DLG2: variants seen among roughly 807,000 people sequenced by gnomAD.
The protein encoded by DLG2 is disks large homolog 2.
Under a neutral mutation model 132.5 loss-of-function variants are expected in DLG2, and 45 were observed. The observed-to-expected ratio is 0.34, with a 90% CI of 0.27 to 0.44. The LOEUF (loss-of-function observed/expected upper bound fraction) is 0.44. DLG2 is among the 20% of genes least tolerant of loss of function. DLG2 has a pLI of 1.00. For synonymous variants in DLG2, 424 were observed against 419.6 expected (o/e 1.01, Z -0.13); for missense variants, 1,045 against 1,196.9 (o/e 0.87, Z 1.87).
chr11:83,850,460 GT>G (rs1449827138), intron 16 of DLG2, among the ~76,000 whole-genome samples: 1 of 152,056 alleles, frequency 6.6e-6, no homozygotes, highest in African/African-American at 2.4e-5. Flanking sequence ...CCCGGGGTAA[GT>G]TTTCTAATAG....
At chr11:83,702,280 T>G (rs1255033433) in intron 18 of DLG2, among the ~76,000 whole-genome samples, 1 of 152,244 alleles carries the variant, frequency 6.6e-6, no homozygotes, top group African/African-American at 2.4e-5. Context: ...GACCAGGATA[T>G]AGACACCTAC....
intron 10 of DLG2, among the ~76,000 whole-genome samples, chr11:84,076,996 A>G (rs1021633494): frequency 6.6e-6 from 1 of 152,148 alleles, no homozygotes. Context: ...AAGTCCATCA[A>G]TTCATGTCTT....
intron 7 of DLG2, among the ~76,000 whole-genome samples, chr11:84,513,246 T>A (rs149535520): frequency 6.6e-6 from 1 of 152,126 alleles, no homozygotes; most frequent in South Asian, 2.1e-4. Context: ...ATTGTTAAAA[T>A]GTCCATACTA....
chr11:84,940,187 G>C (rs971318552), intron 6 of DLG2, among the ~76,000 whole-genome samples: 1 of 152,126 alleles, frequency 6.6e-6, no homozygotes, highest in African/African-American at 2.4e-5. Flanking sequence ...CTCTTGCTCT[G>C]TCTCCCAGGC....
chr11:85,508,711 T>C (rs1407908929), intron 3 of DLG2, among the ~76,000 whole-genome samples: 17 of 152,012 alleles, frequency 1.1e-4, no homozygotes, highest in Non-Finnish European at 8.8e-5. Context: ...GTGTTAACAG[T>C]AGAGGGTAAA....
chr11:85,459,022 G>C (rs1235942033), intron 3 of DLG2, among the ~76,000 whole-genome samples: 2 of 152,202 alleles, frequency 1.3e-5, no homozygotes, highest in African/African-American at 4.8e-5. Context: ...TGTGCTTTGG[G>C]CTCAAGCTAG....
rs2099211557 is a variant in DLG2 at position 84,502,206 on chromosome 11, CCTTCCTTCCTTCCTTCCTTCCTTCCT to C, written c.519+32338_519+32363del. Among the ~76,000 whole-genome samples, 153 of 21,286 alleles carry C rather than the reference CCTTCCTTCCTTCCTTCCTTCCTTCCT, an allele frequency of 7.2e-3. 37 individuals are homozygous for C. Among genetic ancestry groups the C allele is most frequent in the South Asian group, 0.025 (10 of 406 alleles). The allele number at this position is 21,286 out of a possible 152,430, so 14.0% of individuals were successfully genotyped here. ...TCTCTTTCTCTCTCTCTCTCTCCTT[CCTTCCTTCCTTCCTTCCTTCCTTCCT>C]TCCTTCCTTCCTTCCTTCCTTCCTT... On this transcript the variant is annotated intron_variant, in intron 7 of 27. Transcript: ENST00000376104.
chr11:83,562,327 G>C (rs959804927), intron 19 of DLG2, among the ~76,000 whole-genome samples: 2 of 152,002 alleles, frequency 1.3e-5, no homozygotes, highest in Admixed American at 1.3e-4. Context: ...ATGACACTAA[G>C]GGAGCATCTG....
At position 83,466,223 on chromosome 11, in the gene DLG2, A is replaced by G. The variant is rs558894089; in HGVS notation, c.2729+485T>C. ...AACCAAGGAAAATGCCAATGAAAAA[A>G]GTCTCAAACGTTGTCTGCTCTCTCT... is the stretch of plus-strand genomic sequence containing the variant. On this transcript the variant is annotated intron_variant, in intron 26 of 27. Coordinates refer to ENST00000376104, the MANE Select transcript of DLG2 (RefSeq NM_001142699.3). Among the ~76,000 whole-genome samples, 6 of 152,336 alleles carry G rather than the reference A, an allele frequency of 3.9e-5. No homozygotes were observed. In the East Asian group the frequency reaches 1.2e-3, roughly 29 times the overall value.
At chr11:83,926,694 C>T (rs1044346055) in intron 15 of DLG2, among the ~76,000 whole-genome samples, 1 of 151,950 alleles carries the variant, frequency 6.6e-6, no homozygotes, top group African/African-American at 2.4e-5. Context: ...AGATTGGGTT[C>T]CACAACATTA....
intron 6 of DLG2, among the ~76,000 whole-genome samples, chr11:84,755,511 C>G (rs1258624391): frequency 6.6e-6 from 1 of 152,236 alleles, no homozygotes; most frequent in Non-Finnish European, 1.5e-5. Context: ...GCAAGCTCCG[C>G]TTCCCGGGTT....
intron 22 of DLG2, among the ~76,000 whole-genome samples, chr11:83,481,431 G>GT (rs1342153427): frequency 2.1e-4 from 32 of 152,060 alleles, no homozygotes; most frequent in African/African-American, 6.0e-4. Context: ...AATAACATCA[G>GT]TTTTTTAAAA....
At position 84,644,093 on chromosome 11, in the gene DLG2, T is replaced by A. The variant is rs187264473; in HGVS notation, c.358-109362A>T. 2.6e-5 allele frequency among the ~76,000 whole-genome samples: 4 copies of A among 152,302 alleles called. No homozygotes were observed. In the South Asian group the frequency reaches 8.3e-4, roughly 32 times the overall value. On this transcript the variant is annotated intron_variant, in intron 6 of 27. Transcript: ENST00000376104. ...AAATGTTTATTTTTTGCTTCCCCAA[T>A]ACGTGGCCGTCTATACATGAAGATG... is the stretch of plus-strand genomic sequence containing the variant.
rs368959516 is a variant in DLG2, at chr11:83,469,202, C to G, written c.2618G>C (p.Arg873Thr). The change falls in exon 25 of 28, where the codon AGA becomes ACA. Residue 873 changes from arginine to threonine, a missense_variant and splice_region_variant. Arg to Thr is a moderately conservative substitution (Grantham distance 71, BLOSUM62 -1). Coordinates refer to ENST00000376104, the MANE Select transcript of DLG2 (RefSeq NM_001142699.3). ...SVQSVRFVAE[R>T]GKHCILDVSG... ...GTGTAAGAAGATTGGTGAACATACT[C>G]TTTCTGCTACAAATCTCACAGACTG... is the stretch of plus-strand genomic sequence containing the variant. 6.2e-7 allele frequency: 1 copy of G among 1,602,488 alleles called. No homozygotes were observed. The highest frequency in any genetic ancestry group is 8.5e-7 in the Non-Finnish European group (1 of 1,174,734).
intron 6 of DLG2, among the ~76,000 whole-genome samples, chr11:84,942,542 CTTA>C (rs1474405318): frequency 3.3e-5 from 5 of 152,082 alleles, no homozygotes; most frequent in African/African-American, 1.2e-4. Flanking sequence ...CAAAGTTCCT[CTTA>C]TTATTGATTT....
At chr11:85,487,042 TAA>T (rs1225708413) in intron 3 of DLG2, among the ~76,000 whole-genome samples, 3 of 132,694 alleles carry the variant, frequency 2.3e-5, no homozygotes, top group Admixed American at 7.6e-5. Context: ...GTGTGCTGAT[TAA>T]AAAAAAAAAA....
chr11:83,967,292 T>C (rs1592014615), intron 12 of DLG2, among the ~76,000 whole-genome samples: 1 of 152,204 alleles, frequency 6.6e-6, no homozygotes, highest in Non-Finnish European at 1.5e-5. Context: ...CTATTTTTAA[T>C]TTATTTAGGA....
rs192285985 is a variant in DLG2, at chr11:85,060,504, T to C, written c.357+51157A>G. Among the ~76,000 whole-genome samples the C allele has an allele frequency of 1.7e-3, 249 of 150,514 alleles. 7 individuals are homozygous for C. Among genetic ancestry groups the C allele is most frequent in the Admixed American group, 0.015 (228 of 15,026 alleles). ...GTATATATATATACACGCATATGTA[T>C]ATGTGTGTGTGTGTATACATGTATT... On this transcript the variant is annotated intron_variant, in intron 6 of 27. Coordinates refer to ENST00000376104, the MANE Select transcript of DLG2 (RefSeq NM_001142699.3).
chr11:85,608,430 T>A (rs1264255095), intron 2 of DLG2, among the ~76,000 whole-genome samples: 1 of 152,142 alleles, frequency 6.6e-6, no homozygotes, highest in Non-Finnish European at 1.5e-5. Flanking sequence ...ACCTTTTCTG[T>A]AAGATGGAAT....
Sources: gnomAD v4.1 joint callset for allele counts (sites outside exome capture counted in the v4.1 genomes callset) on GRCh38, gnomAD v4.1.1 for gene constraint, MANE v1.5 for transcripts, NCBI Gene and HGNC (gene_info 2026-07-23, HGNC 2026-07-21) for gene names.